Variants in CPED1 observed in about 807,000 individuals in gnomAD.
CPED1 encodes cadherin like and PC-esterase domain containing 1.
CPED1 carries 114 observed loss-of-function variants against 128.2 expected under a neutral mutation model. That is an observed-to-expected ratio of 0.89 (90% CI 0.76 to 1.04). The LOEUF is 1.04. CPED1 is among the 50% of genes least tolerant of loss of function. The pLI, the probability that CPED1 is intolerant of heterozygous loss-of-function variation, is 0.00. For missense variants in CPED1, 1,211 were observed against 1,207.1 expected (o/e 1.00, Z -0.05); for synonymous variants, 462 against 426.7 (o/e 1.08, Z -1.02).
chr7:121,096,007 TA>T (rs1279763876), intron 5 of CPED1, among the ~76,000 whole-genome samples: 2 of 152,132 alleles, frequency 1.3e-5, no homozygotes, highest in Non-Finnish European at 2.9e-5. Flanking sequence ...CTCTATTTAG[TA>T]AAATTTTAAT....
At chr7:121,049,709 T>C (rs1290670466) in intron 4 of CPED1, among the ~76,000 whole-genome samples, 2 of 152,254 alleles carry the variant, frequency 1.3e-5, no homozygotes, top group African/African-American at 4.8e-5. Context: ...TACTGTTCCC[T>C]AAATGCCTGT....
intron 21 of CPED1, among the ~76,000 whole-genome samples, chr7:121,269,017 G>C (rs1268573858): frequency 6.6e-6 from 1 of 151,908 alleles, no homozygotes; most frequent in Non-Finnish European, 1.5e-5. Context: ...TGTGGGTTAA[G>C]GGAGTTTATA....
At chr7:121,281,792 CTT>C (rs993587132) in intron 22 of CPED1, among the ~76,000 whole-genome samples, 9 of 152,110 alleles carry the variant, frequency 5.9e-5, no homozygotes, top group African/African-American at 2.2e-4. Context: ...TTACATGTAA[CTT>C]AATCAAATGT....
At chr7:121,117,031 G>GTA (rs1795257310) in intron 7 of CPED1, among the ~76,000 whole-genome samples, 1 of 127,974 alleles carries the variant, frequency 7.8e-6, no homozygotes, top group East Asian at 2.4e-4. Flanking sequence ...CACATTATAT[G>GTA]TATATACACA....
At chr7:121,202,962 AG>A (rs1797433600) in intron 16 of CPED1, among the ~76,000 whole-genome samples, 1 of 152,074 alleles carries the variant, frequency 6.6e-6, no homozygotes, top group Non-Finnish European at 1.5e-5. Context: ...CTTTTTTTCT[AG>A]AATTATTCCC....
At chr7:121,093,397 T>TACACACACACACAC (rs10526224) in intron 5 of CPED1, among the ~76,000 whole-genome samples, 8,069 of 145,438 alleles carry the variant, frequency 0.055, 238 homozygotes, top group African/African-American at 0.076. Flanking sequence ...CCTTTTTCTG[T>TACACACACACACAC]ACACACACAC....
rs564808449 is a variant in CPED1 at position 121,055,544 on chromosome 7, AG to A, written c.540+8553del. On this transcript the variant is annotated intron_variant, in intron 4 of 22. Coordinates refer to ENST00000310396, the MANE Select transcript of CPED1 (RefSeq NM_024913.5). The stretch of plus-strand genomic sequence containing the variant: ...TTACACAAACACTAACACAAATTAC[AG>A]GTGTGACATAAAATATAATTATATG... 7.0e-3 allele frequency among the ~76,000 whole-genome samples: 1,065 copies of A among 151,338 alleles called. 14 individuals carry two copies. The highest frequency in any genetic ancestry group is 0.025 in the African/African-American group (1,019 of 41,454).
At chr7:121,119,040 C>T (rs1045307436) in intron 7 of CPED1, among the ~76,000 whole-genome samples, 1 of 151,868 alleles carries the variant, frequency 6.6e-6, no homozygotes, top group Non-Finnish European at 1.5e-5. Flanking sequence ...TACAATTTTA[C>T]TTTTTATTCT....
rs550270198 is a variant in CPED1 at position 121,036,463 on chromosome 7, T to C, written c.434-10424T>C. On this transcript the variant is annotated intron_variant, in intron 3 of 22. Transcript: ENST00000310396. ...AATGCCATTATTTCATTCCTTTTTA[T>C]GGTTGGGTAGTATTCCATGGTGTGT... Among the ~76,000 whole-genome samples, 5 of 151,144 alleles carry C rather than the reference T, an allele frequency of 3.3e-5. 1 individual carries two copies. Among genetic ancestry groups the C allele is most frequent in the Admixed American group, 6.6e-5 (1 of 15,110 alleles).
intron 5 of CPED1, among the ~76,000 whole-genome samples, chr7:121,096,180 G>C (rs1051022824): frequency 9.9e-5 from 15 of 152,090 alleles, no homozygotes; most frequent in African/African-American, 3.6e-4. Flanking sequence ...TGATGTATTA[G>C]AACTTCATTA....
rs1029980663 is a variant in CPED1 at position 121,059,663 on chromosome 7, C to A, written c.541-4575C>A. Among the ~76,000 whole-genome samples the A allele has an allele frequency of 3.3e-5, 5 of 149,554 alleles. No homozygotes were observed. In the Admixed American group the frequency reaches 3.4e-4, roughly 10 times the overall value. Reference sequence around the variant, plus strand: ...TAGTTTTAGTTTTTTAATTTATAAGCACTCCATAAATGGTTATAATTAATA... The same window carrying A: ...TAGTTTTAGTTTTTTAATTTATAAGAACTCCATAAATGGTTATAATTAATA... On this transcript the variant is annotated intron_variant, in intron 4 of 22. Transcript: ENST00000310396.
chr7:121,258,528 C>T (rs948653594), intron 18 of CPED1, among the ~76,000 whole-genome samples: 52 of 151,984 alleles, frequency 3.4e-4, no homozygotes, highest in African/African-American at 1.2e-3. Context: ...TAGAAAAATA[C>T]GGATATTTAT....
rs113847312 is a variant in CPED1 at position 121,213,258 on chromosome 7, C to T, written c.2056-23456C>T. ...ACCCATGGTTCAAACCCTATTTGTTCCATTTATTAAGCTGTGTGCCTCCAA... is the reference window on the plus strand; with the variant it reads ...ACCCATGGTTCAAACCCTATTTGTTTCATTTATTAAGCTGTGTGCCTCCAA... On this transcript the variant is annotated intron_variant, in intron 16 of 22. Coordinates refer to ENST00000310396, the MANE Select transcript of CPED1 (RefSeq NM_024913.5). Among the ~76,000 whole-genome samples the T allele has an allele frequency of 2.9e-3, 435 of 152,048 alleles. 2 individuals are homozygous for T. The highest frequency in any genetic ancestry group is 0.01 in the Middle Eastern group (3 of 294).
At chr7:121,031,566 G>A (rs1017993855) in intron 3 of CPED1, among the ~76,000 whole-genome samples, 2 of 152,132 alleles carry the variant, frequency 1.3e-5, no homozygotes, top group African/African-American at 4.8e-5. Context: ...GGAATTATGG[G>A]CATGAGCCAC....
intron 22 of CPED1, among the ~76,000 whole-genome samples, chr7:121,286,056 TAAC>T (rs1792562086): frequency 6.6e-6 from 1 of 152,166 alleles, no homozygotes; most frequent in African/African-American, 2.4e-5. Flanking sequence ...TCGGGAAACT[TAAC>T]AATCATAGTG....
At chr7:121,247,471 C>T (rs1213984296) in intron 18 of CPED1, among the ~76,000 whole-genome samples, 1 of 152,172 alleles carries the variant, frequency 6.6e-6, no homozygotes, top group African/African-American at 2.4e-5. Flanking sequence ...AACATTTGGA[C>T]AGATCTTTGG....
chr7:121,101,250 T>C (rs1480901871), intron 7 of CPED1, among the ~76,000 whole-genome samples: 4 of 152,012 alleles, frequency 2.6e-5, no homozygotes, highest in Non-Finnish European at 5.9e-5. Context: ...GTTTTTTTTT[T>C]CCTCAAAAAC....
At chr7:121,189,760 TTATATATATATA>T (rs377035175) in intron 16 of CPED1, among the ~76,000 whole-genome samples, 1,255 of 47,482 alleles carry the variant, frequency 0.026, 86 homozygotes, top group African/African-American at 0.092. Flanking sequence ...TTATGAGGTT[TTATATATATATA>T]TATATATATA....
At chr7:121,008,924 C>T (rs1174933148) in intron 2 of CPED1, among the ~76,000 whole-genome samples, 2 of 152,134 alleles carry the variant, frequency 1.3e-5, no homozygotes, top group African/African-American at 2.4e-5. Flanking sequence ...ATCGGTTTTG[C>T]CATCCAAAAT....
Sources: gnomAD v4.1 joint callset for allele counts (sites outside exome capture counted in the v4.1 genomes callset) on GRCh38, gnomAD v4.1.1 for gene constraint, MANE v1.5 for transcripts, NCBI Gene and HGNC (gene_info 2026-07-23, HGNC 2026-07-21) for gene names.